The following RANBP2 variants were observed in gnomAD, a reference collection of about 807,000 sequenced individuals.
RANBP2 encodes the protein RAN binding protein 2, also known as E3 SUMO-protein ligase RanBP2.
A neutral mutation model predicts 303.6 loss-of-function variants in RANBP2; 57 were observed. The observed-to-expected ratio is 0.19, with a 90% CI of 0.15 to 0.23. The LOEUF is 0.23. Ranked by LOEUF, RANBP2 falls within the 10% of genes least tolerant of loss-of-function variation. The probability of loss-of-function intolerance (pLI) is 1.00; values close to 1 mark genes in which losing one functional copy is unlikely to be tolerated. For synonymous variants in RANBP2, 1,167 were observed against 1,301.5 expected (o/e 0.90, Z 2.23); for missense variants, 3,138 against 3,780.8 (o/e 0.83, Z 4.46).
the RANBP2 span, among the ~76,000 whole-genome samples, chr2:109,009,556 G>T: frequency 6.6e-6 from 1 of 151,924 alleles, no homozygotes; most frequent in African/African-American, 2.4e-5. Context: ...GACAGGCTCT[G>T]TCACTCTCAC....
the RANBP2 span, among the ~76,000 whole-genome samples, chr2:109,272,679 C>A: frequency 2.6e-5 from 4 of 152,230 alleles, no homozygotes; most frequent in Admixed American, 2.6e-4. Context: ...GCTGAGTTGT[C>A]ATGGAGACAA....
At chr2:109,544,995 T>G in the RANBP2 span, 1 of 985,340 alleles carries the variant, frequency 1.0e-6, no homozygotes, top group Admixed American at 6.1e-5. Flanking sequence ...CAAAGTCCTG[T>G]GGTTTACTTC....
At chr2:109,217,887 G>A in the RANBP2 span, among the ~76,000 whole-genome samples, 1 of 152,180 alleles carries the variant, frequency 6.6e-6, no homozygotes, top group African/African-American at 2.4e-5. Flanking sequence ...GTTGTGGCCT[G>A]GCACAAGGGA....
At chr2:109,293,711 A>T in the RANBP2 span, among the ~76,000 whole-genome samples, 3 of 152,216 alleles carry the variant, frequency 2.0e-5, no homozygotes, top group African/African-American at 7.2e-5. Context: ...AGCAATGTTC[A>T]TGTTGGCTGT....
At chr2:109,498,216 C>T in the RANBP2 span, among the ~76,000 whole-genome samples, 2 of 152,226 alleles carry the variant, frequency 1.3e-5, no homozygotes, top group East Asian at 1.9e-4. Context: ...CCATGGGAAC[C>T]AGTCCAACCA....
the RANBP2 span, among the ~76,000 whole-genome samples, chr2:109,724,235 T>A: frequency 6.6e-6 from 1 of 152,188 alleles, no homozygotes; most frequent in Non-Finnish European, 1.5e-5. Flanking sequence ...TGCTTAGGAT[T>A]GTCTTGGCTT....
At chr2:109,341,300 C>T in the RANBP2 span, among the ~76,000 whole-genome samples, 2 of 152,148 alleles carry the variant, frequency 1.3e-5, no homozygotes, top group East Asian at 1.9e-4. Flanking sequence ...ACTTCTTCAT[C>T]GCGGATTAAA....
chr2:109,607,142 C>A, the RANBP2 span, among the ~76,000 whole-genome samples: 1 of 152,140 alleles, frequency 6.6e-6, no homozygotes, highest in African/African-American at 2.4e-5. Flanking sequence ...AAAAAGCTTT[C>A]ATTCTACTTA....
chr2:109,307,433 ATT>A, the RANBP2 span, among the ~76,000 whole-genome samples: 19 of 149,906 alleles, frequency 1.3e-4, no homozygotes, highest in Non-Finnish European at 2.5e-4. Context: ...TTTTTTTTTT[ATT>A]ATTATACTTT....
the RANBP2 span, among the ~76,000 whole-genome samples, chr2:109,772,801 G>A: frequency 1.4e-5 from 2 of 142,550 alleles, no homozygotes; most frequent in Non-Finnish European, 3.0e-5. Flanking sequence ...TCAGTGAGGA[G>A]TGAGGGCTGA....
the RANBP2 span, among the ~76,000 whole-genome samples, chr2:109,451,679 C>A: frequency 2.0e-5 from 3 of 152,232 alleles, no homozygotes; most frequent in South Asian, 6.2e-4. Flanking sequence ...AGGTTTATGC[C>A]CTCTAACAGT....
At chr2:109,697,295 G>T in the RANBP2 span, among the ~76,000 whole-genome samples, 2 of 152,144 alleles carry the variant, frequency 1.3e-5, no homozygotes, top group Admixed American at 6.5e-5. Context: ...TTCGAGACCA[G>T]CCTGACCAAC....
the RANBP2 span, among the ~76,000 whole-genome samples, chr2:109,149,368 G>T: frequency 6.6e-6 from 1 of 152,186 alleles, no homozygotes. Flanking sequence ...CAAGTGTCTG[G>T]CAGAGACTTT....
the RANBP2 span, among the ~76,000 whole-genome samples, chr2:109,262,254 T>G: frequency 1.3e-5 from 2 of 152,226 alleles, no homozygotes; most frequent in African/African-American, 4.8e-5. Context: ...CTTGAAAGCT[T>G]GGAGAGAAAC....
the RANBP2 span, among the ~76,000 whole-genome samples, chr2:109,162,389 C>T: frequency 6.6e-6 from 1 of 152,060 alleles, no homozygotes; most frequent in Non-Finnish European, 1.5e-5. Context: ...GGCTCCTCAA[C>T]CTTTTTTAAA....
chr2:109,625,498 CAAAAAA>C, the RANBP2 span, among the ~76,000 whole-genome samples: 1 of 133,584 alleles, frequency 7.5e-6, no homozygotes, highest in Non-Finnish European at 1.6e-5. Flanking sequence ...ACTAAAAATA[CAAAAAA>C]AAAAAAAAAA....
the RANBP2 span, among the ~76,000 whole-genome samples, chr2:109,320,121 C>T: frequency 6.6e-6 from 1 of 152,178 alleles, no homozygotes; most frequent in Non-Finnish European, 1.5e-5. Context: ...TACTAGTGCT[C>T]CTGTAAAGCC....
the RANBP2 span, among the ~76,000 whole-genome samples, chr2:109,332,308 C>A: frequency 6.6e-6 from 1 of 152,132 alleles, no homozygotes; most frequent in Non-Finnish European, 1.5e-5. Context: ...GAGAGAGCTC[C>A]TCCTCCTGAT....
chr2:109,253,801 A>G, the RANBP2 span, among the ~76,000 whole-genome samples: 1 of 152,206 alleles, frequency 6.6e-6, no homozygotes, highest in Non-Finnish European at 1.5e-5. Flanking sequence ...ATAGGTTGAC[A>G]CACAAAGATT....
Sources: allele counts gnomAD v4.1 joint callset (sites outside exome capture counted in the v4.1 genomes callset), GRCh38; gene constraint gnomAD v4.1.1; transcripts MANE v1.5; gene names NCBI Gene and HGNC (gene_info 2026-07-23, HGNC 2026-07-21).